The following NAA15 variants were observed in gnomAD, a reference collection of about 807,000 sequenced individuals.
The protein encoded by NAA15 is N-terminal acetyltransferase.
Under a neutral mutation model 114.0 loss-of-function variants are expected in NAA15, and 34 were observed. The observed-to-expected ratio is 0.30, with a 90% CI of 0.23 to 0.40. NAA15 has a LOEUF of 0.40. NAA15 is among the 10% of genes least tolerant of loss of function. The pLI, the probability that NAA15 is intolerant of heterozygous loss-of-function variation, is 1.00. For missense variants in NAA15, 658 were observed against 1,004.5 expected (o/e 0.66, Z 4.66); for synonymous variants, 340 against 338.0 (o/e 1.01, Z -0.06).
intron 18 of NAA15, 97 bp downstream of exon 18, chr4:139,385,075 G>A: frequency 9.3e-7 from 1 of 1,076,722 alleles, no homozygotes; most frequent in East Asian, 2.8e-5. Flanking sequence ...AATGGAAGAG[G>A]CAGTGTGTAT....
Position 139,390,057 on chromosome 4 carries a change from A to T in NAA15, c.*1973A>T, listed in dbSNP as rs1167469680. On this transcript the variant is annotated 3_prime_UTR_variant, in exon 20 of 20. Coordinates refer to ENST00000296543, the MANE Select transcript of NAA15 (RefSeq NM_057175.5). ...CACTAATGAGGTGTTTGGAGGAGGT[A>T]CCAGCCATATAATAGGGGGTGTATG... 1 of 152,662 alleles carries T rather than the reference A, an allele frequency of 6.6e-6. No individual in the cohort carries two copies. Among genetic ancestry groups the T allele is most frequent in the Non-Finnish European group, 1.5e-5 (1 of 68,028 alleles). 9.5% of individuals were successfully genotyped at this position (152,662 alleles called of 1,614,324 possible). A position where few individuals can be genotyped will look rare whatever the true frequency, so the allele number is the denominator to read the frequency against.
rs1326861864 is a variant in NAA15 at position 139,378,808 on chromosome 4, T to A, written c.2109T>A (p.Ser703=). The A allele has an allele frequency of 6.4e-7, 1 of 1,555,804 alleles. No homozygotes were observed. The change falls in exon 17 of 20, where the codon TCT becomes TCA. Residue 703 remains serine (S), a synonymous_variant. Transcript: ENST00000296543. Reference sequence around the variant, plus strand: ...TAAAGAGGGCATTTGCTATTGATTCTAGTCATCCCTGGCTTCATGAGTGTA... The same window carrying A: ...TAAAGAGGGCATTTGCTATTGATTCAAGTCATCCCTGGCTTCATGAGTGTA... ...QSVKRAFAID[S]SHPWLHECMI...
intron 11 of NAA15, 62 bp from the exon 12 acceptor site, chr4:139,359,681 G>T: frequency 6.8e-7 from 1 of 1,469,078 alleles, no homozygotes; most frequent in South Asian, 1.3e-5. Context: ...AACAGATAAT[G>T]AATTACCTGC....
chr4:139,318,210 CTGAG>C (rs1232950906), intron 1 of NAA15, among the ~76,000 whole-genome samples: 5 of 151,990 alleles, frequency 3.3e-5, no homozygotes, highest in South Asian at 2.1e-4. Context: ...TATTCTGAGA[CTGAG>C]TATTTATTAC....
chr4:139,360,454 T>G, intron 12 of NAA15, 46 bp from the exon 13 acceptor site: 1 of 1,440,420 alleles, frequency 6.9e-7, no homozygotes, highest in Non-Finnish European at 9.2e-7. Context: ...GGTAGAATGA[T>G]GTCTATGATA....
At chr4:139,355,657 A>G (rs1747926379) in intron 10 of NAA15, among the ~76,000 whole-genome samples, 3 of 152,190 alleles carry the variant, frequency 2.0e-5, no homozygotes, top group Non-Finnish European at 2.9e-5. Flanking sequence ...AATGCCTACC[A>G]TGTTGGAAAG....
At position 139,341,086 on chromosome 4, in the gene NAA15, CTT is replaced by C. The variant is rs768423087; in HGVS notation, c.402+26_402+27del. The C allele has an allele frequency of 2.0e-5, 27 of 1,326,120 alleles. No individual in the cohort carries two copies. Among genetic ancestry groups the C allele is most frequent in the South Asian group, 1.7e-4 (10 of 57,384 alleles). The allele number at this position is 1,326,120 out of a possible 1,614,324, so 82.1% of individuals were successfully genotyped here. A position where few individuals can be genotyped will look rare whatever the true frequency, so the allele number is the denominator to read the frequency against. On this transcript the variant is annotated intron_variant, in intron 4 of 19. Coordinates refer to ENST00000296543, the MANE Select transcript of NAA15 (RefSeq NM_057175.5). ...GGTTACAGGGTAAGTAAAATAGAGACTTTTTTTTTTAATTCTAAGGGGAAAAT... is the reference window on the plus strand; with the variant it reads ...GGTTACAGGGTAAGTAAAATAGAGACTTTTTTTTAATTCTAAGGGGAAAAT...
intron 10 of NAA15, among the ~76,000 whole-genome samples, chr4:139,357,044 TA>T (rs1334239335): frequency 6.6e-6 from 1 of 151,980 alleles, no homozygotes; most frequent in Admixed American, 6.6e-5. Context: ...TCCCCCTTTA[TA>T]AATAACATCC....
At chr4:139,346,115 G>T (rs1450346942) in intron 6 of NAA15, among the ~76,000 whole-genome samples, 1 of 152,152 alleles carries the variant, frequency 6.6e-6, no homozygotes, top group Non-Finnish European at 1.5e-5. Context: ...AATAGAGATA[G>T]AATATTTGAT....
rs576655146 is a variant in NAA15, at chr4:139,372,435, C to T, written c.1947+2031C>T. Among the ~76,000 whole-genome samples, 10 of 152,292 alleles carry T rather than the reference C, an allele frequency of 6.6e-5. No individual in the cohort carries two copies. In the East Asian group the frequency reaches 1.9e-3, roughly 29 times the overall value. ...CTGAGAACAAAGTAATGGCTACAAA[C>T]GGTGCTTCTGACTGCTTTGTTTGGA... On this transcript the variant is annotated intron_variant, in intron 15 of 19. Transcript: ENST00000296543.
chr4:139,308,168 A>G (rs761244346), intron 1 of NAA15, among the ~76,000 whole-genome samples: 32 of 151,956 alleles, frequency 2.1e-4, no homozygotes, highest in Non-Finnish European at 4.0e-4. Context: ...TCACCGTGTT[A>G]GCCAGGATGG....
intron 1 of NAA15, among the ~76,000 whole-genome samples, chr4:139,331,752 A>G (rs895227738): frequency 2.6e-5 from 4 of 151,800 alleles, no homozygotes; most frequent in Admixed American, 1.3e-4. Context: ...AGCATGAGCT[A>G]TCATGCCCGG....
chr4:139,345,197 A>G (rs958114913), intron 6 of NAA15, among the ~76,000 whole-genome samples: 4 of 152,204 alleles, frequency 2.6e-5, no homozygotes, highest in Non-Finnish European at 5.9e-5. Context: ...AATGGTACTG[A>G]TAAGAAAAAC....
chr4:139,304,696 T>A (rs764824582), intron 1 of NAA15, among the ~76,000 whole-genome samples: 1 of 152,208 alleles, frequency 6.6e-6, no homozygotes, highest in Non-Finnish European at 1.5e-5. Flanking sequence ...ACACCAAGGA[T>A]AATGAGAGCT....
At chr4:139,326,970 G>A (rs187407758) in intron 1 of NAA15, among the ~76,000 whole-genome samples, 8 of 152,094 alleles carry the variant, frequency 5.3e-5, no homozygotes, top group Admixed American at 5.2e-4. Flanking sequence ...GTCTCTCTGT[G>A]TCTTGCCCAG....
rs868509265 is a variant in NAA15, at chr4:139,388,703, A to G, written c.*619A>G. The stretch of plus-strand genomic sequence containing the variant: ...GGTGTTCAATACGCTTGTGTTTCCA[A>G]AATTCACTGTACATGATCAGTTTGG... On this transcript the variant is annotated 3_prime_UTR_variant, in exon 20 of 20. Transcript: ENST00000296543. The G allele has an allele frequency of 6.6e-6, 1 of 152,636 alleles. No individual in the cohort carries two copies. The highest frequency in any genetic ancestry group is 1.5e-5 in the Non-Finnish European group (1 of 68,084). The allele number at this position is 152,636 out of a possible 1,614,324, so 9.5% of individuals were successfully genotyped here.
chr4:139,343,598 TTAGA>T (rs1407109232), intron 5 of NAA15, among the ~76,000 whole-genome samples: 1 of 152,366 alleles, frequency 6.6e-6, no homozygotes, highest in African/African-American at 2.4e-5. Context: ...TTCCTCATTC[TTAGA>T]TAGAGTTTTA....
At chr4:139,377,683 T>C (rs1748628782) in intron 16 of NAA15, among the ~76,000 whole-genome samples, 1 of 152,182 alleles carries the variant, frequency 6.6e-6, no homozygotes, top group South Asian at 2.1e-4. Context: ...TAGAAGTGGC[T>C]GGAAAGAAAT....
intron 6 of NAA15, among the ~76,000 whole-genome samples, chr4:139,346,548 A>AC (rs1349182607): frequency 1.2e-3 from 162 of 138,788 alleles, no homozygotes; most frequent in African/African-American, 3.4e-3. Context: ...GTTAGGCAAA[A>AC]AAAAAATTTT....
Sources: allele counts gnomAD v4.1 joint callset (sites outside exome capture counted in the v4.1 genomes callset), GRCh38; gene constraint gnomAD v4.1.1; transcripts MANE v1.5; gene names NCBI Gene and HGNC (gene_info 2026-07-23, HGNC 2026-07-21).